Variants in RNASET2 observed in about 807,000 individuals in gnomAD.
The protein encoded by RNASET2 is ribonuclease T2.
A neutral mutation model predicts 33.9 loss-of-function variants in RNASET2; 28 were observed. The ratio of observed to expected loss-of-function variants is 0.83; its 90% confidence interval spans 0.61 to 1.13. RNASET2 has a LOEUF of 1.13. Ranked by LOEUF, RNASET2 falls within the 50% of genes most tolerant of loss-of-function variation. RNASET2 has a pLI of 0.00. For missense variants in RNASET2, 330 were observed against 319.9 expected, an observed-to-expected ratio of 1.03 and a Z score of -0.24; for synonymous variants, 123 against 121.0, an observed-to-expected ratio of 1.02 and a Z score of -0.11.
rs78446649 is a variant in RNASET2 at position 166,952,485 on chromosome 6, C to T, written c.147+3G>A. 8,215 of 1,613,724 alleles carry T rather than the reference C, an allele frequency of 5.1e-3. 409 individuals are homozygous for T. The African/African-American group carries it at 0.1, about 20-fold the overall frequency. ...CAGGGCCCGTCAAGGCAGAAACACT[C>T]ACCTCGCATACTGTCTCAGGCCAGT... On this transcript the variant is annotated splice_donor_region_variant and intron_variant, in intron 2 of 8. Transcript: ENST00000508775.
In RNASET2 at chr6:166,928,092, A is replaced by C. The variant is rs1444724583; in HGVS notation, c.*1496T>G. Among the ~76,000 whole-genome samples, 2 of 152,228 alleles carry C rather than the reference A, an allele frequency of 1.3e-5. No homozygotes were observed. The highest frequency in any genetic ancestry group is 2.9e-5 in the Non-Finnish European group (2 of 68,028). On this transcript the variant is annotated 3_prime_UTR_variant, in exon 9 of 9. Transcript: ENST00000508775. ...GAGACAAAATACAGGGACTGCTTCC[A>C]TCAAATCCCCCATCATCTCACTCTG...
At chr6:166,931,228 C>A (rs996650380) in intron 7 of RNASET2, 110 bp from the exon 8 acceptor site, 2 of 817,928 alleles carry the variant, frequency 2.4e-6, no homozygotes, top group Non-Finnish European at 4.3e-6. Context: ...CCTTGGCTGG[C>A]AGGGACAGGA....
chr6:166,942,646 T>C (rs1778718745), intron 5 of RNASET2, among the ~76,000 whole-genome samples: 1 of 151,966 alleles, frequency 6.6e-6, no homozygotes, highest in South Asian at 2.1e-4. Context: ...TTTTGTCATG[T>C]TACCAGGCTG....
rs1242636792 is a variant in RNASET2, at chr6:166,955,217, A to ACACACACG, written c.86+879_86+880insCGTGTGTG. On this transcript the variant is annotated intron_variant, in intron 1 of 8. Transcript: ENST00000508775. The stretch of plus-strand genomic sequence containing the variant: ...CACACGCACGCACACACGCACGCAC[A>ACACACACG]CACGCGCACACACGCACGCACGCAC... Among the ~76,000 whole-genome samples the ACACACACG allele has an allele frequency of 2.9e-4, 26 of 88,660 alleles. 1 individual carries two copies. The highest frequency in any genetic ancestry group is 1.5e-3 in the African/African-American group (23 of 15,444). The allele number at this position is 88,660 out of a possible 152,430, so 58.2% of individuals were successfully genotyped here. A position where few individuals can be genotyped will look rare whatever the true frequency, so the allele number is the denominator to read the frequency against.
In RNASET2 at chr6:166,929,509, T is replaced by C. The variant is rs1778366229; in HGVS notation, c.*79A>G. The C allele has an allele frequency of 7.0e-7, 1 of 1,430,818 alleles. No homozygotes were observed. The highest frequency in any genetic ancestry group is 2.3e-5 in the East Asian group (1 of 44,028). 88.6% of individuals were successfully genotyped at this position (1,430,818 alleles called of 1,614,324 possible). A position where few individuals can be genotyped will look rare whatever the true frequency, so the allele number is the denominator to read the frequency against. The stretch of plus-strand genomic sequence containing the variant: ...AAACAGCAAAATAAACAGACTTCAC[T>C]TTGGAGTTGTTTTTTAGAAAGCTGC... On this transcript the variant is annotated 3_prime_UTR_variant, in exon 9 of 9. Coordinates refer to ENST00000508775, the MANE Select transcript of RNASET2 (RefSeq NM_003730.6).
chr6:166,924,480 A>T lies in RNASET2; in HGVS notation c.*5108T>A, dbSNP rs1027467525. 6.6e-6 allele frequency among the ~76,000 whole-genome samples: 1 copy of T among 152,198 alleles called. No homozygotes were observed. The highest frequency in any genetic ancestry group is 2.4e-5 in the African/African-American group (1 of 41,450). ...GCTGATGTGCCTCAGACACAGGTGC[A>T]CTCATGGAGCACAGAAGCGAGTTGG... On this transcript the variant is annotated 3_prime_UTR_variant, in exon 9 of 9. Transcript: ENST00000508775.
chr6:166,952,729 A>C (rs1442066925), intron 1 of RNASET2, 181 bp from the exon 2 acceptor site: 11 of 618,194 alleles, frequency 1.8e-5, no homozygotes, highest in Non-Finnish European at 2.7e-5. Flanking sequence ...TACACTAAGA[A>C]GGCACGTGTG....
chr6:166,934,355 A>T (rs886086861), intron 6 of RNASET2: 1 of 564,214 alleles, frequency 1.8e-6, no homozygotes, highest in Non-Finnish European at 3.2e-6. Flanking sequence ...TGCTCCAGGC[A>T]GGTACCCTTT....
chr6:166,929,935 C>T (rs1160262766), intron 8 of RNASET2, 144 bp from the exon 9 acceptor site: 6 of 783,684 alleles, frequency 7.7e-6, no homozygotes, highest in Non-Finnish European at 1.3e-5. Flanking sequence ...GAACGGACCC[C>T]TTCATTGAGC....
chr6:166,956,361 T>G lies in RNASET2; in HGVS notation c.-179A>C, dbSNP rs1388166495. 1.8e-5 allele frequency: 11 copies of G among 599,522 alleles called. No individual in the cohort carries two copies. The highest frequency in any genetic ancestry group is 2.9e-5 in the Non-Finnish European group (10 of 339,362). The allele number at this position is 599,522 out of a possible 1,614,324, so 37.1% of individuals were successfully genotyped here. On this transcript the variant is annotated 5_prime_UTR_variant, in exon 1 of 9. Transcript: ENST00000508775. ...AGCCCTGGGACGGCCTAAACCAGTA[T>G]CTCGCGGGCCCCGCGCCGGGCTCCG...
At chr6:166,954,063 C>T (rs2128647820) in intron 1 of RNASET2, among the ~76,000 whole-genome samples, 1 of 152,284 alleles carries the variant, frequency 6.6e-6, no homozygotes, top group South Asian at 2.1e-4. Flanking sequence ...ACGTTTGTAA[C>T]AAACTCTCCA....
intron 8 of RNASET2, among the ~76,000 whole-genome samples, chr6:166,930,527 C>T (rs1482735037): frequency 1.3e-5 from 2 of 151,028 alleles, no homozygotes; most frequent in Non-Finnish European, 3.0e-5. Flanking sequence ...CACATTCACA[C>T]ATGCACACAC....
chr6:166,952,813 C>T, intron 1 of RNASET2: 1 of 448,498 alleles, frequency 2.2e-6, no homozygotes, highest in Non-Finnish European at 4.2e-6. Context: ...GAAGCGGAGG[C>T]AGGGCAAGCT....
intron 4 of RNASET2, 200 bp from the exon 5 acceptor site, chr6:166,943,289 AACTGCACACG>A: frequency 4.1e-6 from 2 of 492,082 alleles, no homozygotes; most frequent in South Asian, 4.0e-5. Context: ...GTAATCATAA[AACTGCACACG>A]AAAATACAAG....
At chr6:166,938,432 T>C (rs1583220872) in intron 6 of RNASET2, 1 of 448,910 alleles carries the variant, frequency 2.2e-6, no homozygotes, top group Non-Finnish European at 4.4e-6. Context: ...TTTAGGCAGG[T>C]TGGGGTCATT....
intron 2 of RNASET2, 123 bp from the exon 3 acceptor site, chr6:166,948,748 C>T: frequency 1.4e-6 from 1 of 725,804 alleles, no homozygotes; most frequent in Non-Finnish European, 2.5e-6. Flanking sequence ...AGGTACTGCA[C>T]TAATAACACA....
At chr6:166,931,392 C>G in intron 7 of RNASET2, 1 of 510,992 alleles carries the variant, frequency 2.0e-6, no homozygotes. Context: ...CTCCTCCTCC[C>G]AGTGTCTTTC....
At chr6:166,948,776 C>A in intron 2 of RNASET2, 151 bp from the exon 3 acceptor site, 1 of 667,578 alleles carries the variant, frequency 1.5e-6, no homozygotes. Context: ...GCCAGGGCTA[C>A]TTCACAATAC....
At chr6:166,954,124 A>T (rs1179154912) in intron 1 of RNASET2, among the ~76,000 whole-genome samples, 1 of 151,720 alleles carries the variant, frequency 6.6e-6, no homozygotes, top group East Asian at 1.9e-4. Flanking sequence ...TCCCACACAG[A>T]TGCCCCCCTC....
Sources: allele counts gnomAD v4.1 joint callset (sites outside exome capture counted in the v4.1 genomes callset), GRCh38; gene constraint gnomAD v4.1.1; transcripts MANE v1.5; gene names NCBI Gene and HGNC (gene_info 2026-07-23, HGNC 2026-07-21).